SRGAP1: variants seen among roughly 807,000 people sequenced by gnomAD.
The protein encoded by SRGAP1 is SLIT-ROBO Rho GTPase-activating protein 1.
In SRGAP1, 43 loss-of-function variants were observed where a neutral mutation model predicts 121.9. That is an observed-to-expected ratio of 0.35 (90% CI 0.28 to 0.46). The LOEUF (loss-of-function observed/expected upper bound fraction) is 0.46, where lower values mean the gene tolerates loss of function less well. Ranked by LOEUF, SRGAP1 falls within the 20% of genes least tolerant of loss-of-function variation. SRGAP1 has a pLI of 1.00. For synonymous variants in SRGAP1, 447 were observed against 485.4 expected (o/e 0.92, Z 1.04); for missense variants, 1,102 against 1,350.9 (o/e 0.82, Z 2.89).
intron 3 of SRGAP1, among the ~76,000 whole-genome samples, chr12:63,996,140 A>G (rs1189722898): frequency 6.6e-6 from 1 of 152,006 alleles, no homozygotes; most frequent in East Asian, 1.9e-4. Flanking sequence ...AGAAATTTAG[A>G]AAACGCTATA....
chr12:63,845,470 T>C (rs963975139), intron 1 of SRGAP1, among the ~76,000 whole-genome samples: 4 of 152,186 alleles, frequency 2.6e-5, no homozygotes, highest in African/African-American at 7.2e-5. Flanking sequence ...ACTCTTCCTT[T>C]ATAATGGGCC....
chr12:63,913,191 CTTCTTT>C (rs2030592632), intron 1 of SRGAP1, among the ~76,000 whole-genome samples: 1 of 111,810 alleles, frequency 8.9e-6, no homozygotes, highest in African/African-American at 3.3e-5. Flanking sequence ...CTGGTAAATC[CTTCTTT>C]TTTTTTTTTT....
intron 16 of SRGAP1, among the ~76,000 whole-genome samples, chr12:64,111,212 C>T (rs993011974): frequency 6.6e-6 from 1 of 152,138 alleles, no homozygotes; most frequent in African/African-American, 2.4e-5. Flanking sequence ...GCTTTTGTGA[C>T]ACTGGTTGTC....
chr12:64,113,363 G>A (rs533291754), intron 17 of SRGAP1, among the ~76,000 whole-genome samples: 12 of 152,052 alleles, frequency 7.9e-5, no homozygotes, highest in African/African-American at 7.2e-5. Context: ...AGCCAAGATC[G>A]CGCCACTGCA....
intron 6 of SRGAP1, among the ~76,000 whole-genome samples, chr12:64,049,338 A>T (rs968144754): frequency 6.6e-6 from 1 of 152,224 alleles, no homozygotes; most frequent in African/African-American, 2.4e-5. Context: ...TTATAAAGGA[A>T]AGAGGTTTAA....
At chr12:63,946,299 T>C (rs1467796760) in intron 1 of SRGAP1, among the ~76,000 whole-genome samples, 1 of 151,768 alleles carries the variant, frequency 6.6e-6, no homozygotes, top group Non-Finnish European at 1.5e-5. Context: ...TTTTCTTTTT[T>C]TTTTTTTACA....
chr12:63,933,429 C>T (rs2031552272), intron 1 of SRGAP1, among the ~76,000 whole-genome samples: 1 of 151,990 alleles, frequency 6.6e-6, no homozygotes, highest in Admixed American at 6.6e-5. Flanking sequence ...AACCACTTTT[C>T]ATTCAGTAAA....
chr12:64,157,025 A>AG lies in SRGAP1; in HGVS notation c.*14353_*14354insG, dbSNP rs2037169304. On this transcript the variant is annotated 3_prime_UTR_variant, in exon 22 of 22. Coordinates refer to ENST00000355086, the MANE Select transcript of SRGAP1 (RefSeq NM_020762.4). ...ATGGTAGCTGCACTTCTAAAAAAAA[A>AG]AGGGGGCATTCTTGGCAGGAGAAAG... The AG allele has an allele frequency of 1.3e-5, 2 of 152,214 alleles. No individual in the cohort carries two copies. The highest frequency in any genetic ancestry group is 4.8e-5 in the African/African-American group (2 of 41,420). The allele number at this position is 152,214 out of a possible 1,614,324, so 9.4% of individuals were successfully genotyped here.
chr12:63,894,633 C>T (rs947494538), intron 1 of SRGAP1, among the ~76,000 whole-genome samples: 7 of 152,236 alleles, frequency 4.6e-5, no homozygotes, highest in African/African-American at 1.7e-4. Context: ...TTCCCCACCC[C>T]ACGACAGGCC....
intron 1 of SRGAP1, among the ~76,000 whole-genome samples, chr12:63,964,697 G>A (rs1464711042): frequency 1.3e-5 from 2 of 152,140 alleles, no homozygotes; most frequent in African/African-American, 4.8e-5. Context: ...GCTTGAGAGT[G>A]TGTTCATTTT....
intron 6 of SRGAP1, among the ~76,000 whole-genome samples, chr12:64,051,364 TA>T (rs2035236422): frequency 6.6e-6 from 1 of 152,222 alleles, no homozygotes; most frequent in Non-Finnish European, 1.5e-5. Flanking sequence ...ATGGATATTT[TA>T]AAACCTCTCA....
At chr12:63,888,249 G>C (rs567765321) in intron 1 of SRGAP1, 1 of 152,086 alleles carries the variant, frequency 6.6e-6, no homozygotes, top group Admixed American at 6.6e-5. Flanking sequence ...AGCTTCCTCC[G>C]GTCTTCATCT....
At chr12:64,099,524 T>G (rs2036220916) in intron 15 of SRGAP1, among the ~76,000 whole-genome samples, 1 of 152,212 alleles carries the variant, frequency 6.6e-6, no homozygotes, top group South Asian at 2.1e-4. Context: ...CAGTTGGGTA[T>G]GAATTTCCCG....
chr12:64,134,874 C>G (rs1055950132), intron 21 of SRGAP1, among the ~76,000 whole-genome samples: 11 of 152,238 alleles, frequency 7.2e-5, no homozygotes, highest in Non-Finnish European at 1.2e-4. Flanking sequence ...GTGTGGCACA[C>G]CTCTTCATGG....
chr12:64,155,234 C>G lies in SRGAP1; in HGVS notation c.*12562C>G, dbSNP rs368109819. ...TAGTTTTTGTATTTTTTTGTAGAGA[C>G]GGGGTTTCACCATGTTGCTTGTTAA... On this transcript the variant is annotated 3_prime_UTR_variant, in exon 22 of 22. Coordinates refer to ENST00000355086, the MANE Select transcript of SRGAP1 (RefSeq NM_020762.4). 6.6e-6 allele frequency: 1 copy of G among 151,938 alleles called. No individual in the cohort carries two copies. The highest frequency in any genetic ancestry group is 2.4e-5 in the African/African-American group (1 of 41,350). 9.4% of individuals were successfully genotyped at this position (151,938 alleles called of 1,614,324 possible).
chr12:64,033,913 A>G lies in SRGAP1; in HGVS notation c.490-8877A>G, dbSNP rs1042459731. Among the ~76,000 whole-genome samples, 12 of 151,416 alleles carry G rather than the reference A, an allele frequency of 7.9e-5. No individual in the cohort carries two copies. The South Asian group carries it at 2.5e-3, about 32-fold the overall frequency. ...CAGGCGCCTGTAATCCCAGCTACTC[A>G]GGAGGCTGAGGCAGGAGAATTGCTT... On this transcript the variant is annotated intron_variant, in intron 4 of 21. Transcript: ENST00000355086.
At chr12:63,920,351 C>G (rs1459701013) in intron 1 of SRGAP1, among the ~76,000 whole-genome samples, 1 of 152,140 alleles carries the variant, frequency 6.6e-6, no homozygotes, top group Non-Finnish European at 1.5e-5. Flanking sequence ...CAACAAAACA[C>G]AGGCTGAAAT....
intron 16 of SRGAP1, 36 bp from the exon 17 acceptor site, chr12:64,111,726 G>A: frequency 6.7e-7 from 1 of 1,499,822 alleles, no homozygotes; most frequent in Non-Finnish European, 9.0e-7. Context: ...TTTTCTCTTT[G>A]TTCTTTTATA....
intron 6 of SRGAP1, among the ~76,000 whole-genome samples, chr12:64,056,868 C>T (rs2035353460): frequency 6.6e-6 from 1 of 152,184 alleles, no homozygotes; most frequent in Non-Finnish European, 1.5e-5. Context: ...TTATGTTGCA[C>T]TTCAGCTGCC....
Sources: allele counts gnomAD v4.1 joint callset (sites outside exome capture counted in the v4.1 genomes callset), GRCh38; gene constraint gnomAD v4.1.1; transcripts MANE v1.5; gene names NCBI Gene and HGNC (gene_info 2026-07-23, HGNC 2026-07-21).